Variants in FBXL17 observed in about 807,000 individuals in gnomAD.
FBXL17 encodes F-box and leucine rich repeat protein 17, also known as F-box/LRR-repeat protein 17.
In FBXL17, 22 loss-of-function variants were observed where a neutral mutation model predicts 66.2. The ratio of observed to expected loss-of-function variants is 0.33; its 90% CI spans 0.24 to 0.47. The LOEUF (loss-of-function observed/expected upper bound fraction) is 0.47, where lower values mean the gene tolerates loss of function less well. FBXL17 is among the 20% of genes least tolerant of loss of function. The pLI is 1.00. For synonymous variants in FBXL17, 474 were observed against 400.5 expected, an observed-to-expected ratio of 1.18 and a Z score of -2.19; for missense variants, 878 against 948.2, an observed-to-expected ratio of 0.93 and a Z score of 0.97.
intron 7 of FBXL17, among the ~76,000 whole-genome samples, chr5:107,901,583 GA>G (rs760728412): frequency 2.0e-5 from 3 of 152,040 alleles, no homozygotes; most frequent in Non-Finnish European, 4.4e-5. Flanking sequence ...TTTTGACAGG[GA>G]CACACTTTGT....
chr5:108,073,489 A>G (rs1748419687), intron 6 of FBXL17, among the ~76,000 whole-genome samples: 1 of 152,162 alleles, frequency 6.6e-6, no homozygotes, highest in Admixed American at 6.5e-5. Context: ...ACCATAAAAA[A>G]TATTACACAT....
chr5:108,329,604 A>G (rs1167771744), intron 4 of FBXL17, among the ~76,000 whole-genome samples: 2 of 152,178 alleles, frequency 1.3e-5, no homozygotes, highest in African/African-American at 4.8e-5. Context: ...CCATAGCTCA[A>G]TGAAATAAGT....
chr5:108,327,024 A>T (rs1166987718), intron 4 of FBXL17, among the ~76,000 whole-genome samples: 1 of 152,222 alleles, frequency 6.6e-6, no homozygotes, highest in Non-Finnish European at 1.5e-5. Flanking sequence ...TGGTTCATGT[A>T]TGTTCACAGC....
At chr5:108,368,450 G>T (rs1748815781) in intron 1 of FBXL17, among the ~76,000 whole-genome samples, 1 of 151,950 alleles carries the variant, frequency 6.6e-6, no homozygotes, top group South Asian at 2.1e-4. Context: ...TACCTTTATG[G>T]TATCTTTTCC....
intron 6 of FBXL17, among the ~76,000 whole-genome samples, chr5:108,029,135 T>A (rs1324514086): frequency 6.6e-6 from 1 of 151,992 alleles, no homozygotes; most frequent in Non-Finnish European, 1.5e-5. Context: ...AATAAAAAAA[T>A]TTTACAGGAG....
intron 6 of FBXL17, among the ~76,000 whole-genome samples, chr5:108,047,685 G>A (rs1747310386): frequency 1.3e-5 from 2 of 152,172 alleles, no homozygotes. Flanking sequence ...ACTGCGGCCA[G>A]AGCACCTCTT....
intron 6 of FBXL17, among the ~76,000 whole-genome samples, chr5:108,102,888 G>A (rs1749654687): frequency 6.6e-6 from 1 of 151,972 alleles, no homozygotes; most frequent in South Asian, 2.1e-4. Context: ...TTTTCTCATG[G>A]CATTTTTTTC....
chr5:108,377,996 G>A lies in FBXL17; in HGVS notation c.993+2703C>T, dbSNP rs77539084. Among the ~76,000 whole-genome samples, 656 of 152,302 alleles carry A rather than the reference G, an allele frequency of 4.3e-3. 15 individuals carry two copies. In the East Asian group the frequency reaches 0.11, roughly 24 times the overall value. ...AACCACAAGTCATTGACTAAATCCA[G>A]ATTTGTTTATCCAAGTGAAGAAATT... On this transcript the variant is annotated intron_variant, in intron 1 of 8. Coordinates refer to ENST00000542267, the MANE Select transcript of FBXL17 (RefSeq NM_001163315.3).
intron 7 of FBXL17, among the ~76,000 whole-genome samples, chr5:107,994,293 TG>T (rs146286007): frequency 0.011 from 1,617 of 150,090 alleles, 24 homozygotes; most frequent in African/African-American, 0.039. Context: ...AAATGAATAA[TG>T]TTTTTTTTTC....
chr5:108,002,665 G>C (rs1753780852), intron 7 of FBXL17, among the ~76,000 whole-genome samples: 3 of 152,040 alleles, frequency 2.0e-5, no homozygotes, highest in Admixed American at 2.0e-4. Flanking sequence ...AAAAAAAGTG[G>C]TATAGCCATA....
At chr5:108,190,874 G>T (rs904844907) in intron 5 of FBXL17, among the ~76,000 whole-genome samples, 1 of 152,102 alleles carries the variant, frequency 6.6e-6, no homozygotes, top group African/African-American at 2.4e-5. Flanking sequence ...TTTTATCACT[G>T]TTGGAAATAT....
At chr5:107,883,630 T>C (rs1748867685) in intron 7 of FBXL17, among the ~76,000 whole-genome samples, 1 of 152,158 alleles carries the variant, frequency 6.6e-6, no homozygotes, top group South Asian at 2.1e-4. Context: ...TTTATTGCTA[T>C]TGGGAATGTT....
At chr5:108,352,436 C>T (rs1407777319) in intron 3 of FBXL17, among the ~76,000 whole-genome samples, 1 of 152,186 alleles carries the variant, frequency 6.6e-6, no homozygotes, top group Non-Finnish European at 1.5e-5. Context: ...AAAATCATCA[C>T]CATTAGGATG....
chr5:107,927,142 C>A (rs995744980), intron 7 of FBXL17, among the ~76,000 whole-genome samples: 5 of 151,852 alleles, frequency 3.3e-5, no homozygotes, highest in Admixed American at 2.6e-4. Flanking sequence ...AAAATAAATG[C>A]TAAATCAATT....
intron 7 of FBXL17, among the ~76,000 whole-genome samples, chr5:107,925,226 T>A (rs1435582238): frequency 5.3e-5 from 8 of 152,242 alleles, no homozygotes; most frequent in African/African-American, 1.7e-4. Context: ...TTATTTTCTA[T>A]AACACATGTG....
chr5:108,095,240 T>C (rs1279017791), intron 6 of FBXL17, among the ~76,000 whole-genome samples: 1 of 148,134 alleles, frequency 6.8e-6, no homozygotes, highest in Non-Finnish European at 1.5e-5. Flanking sequence ...ATAAATACCA[T>C]CAAATGGTTA....
At chr5:108,163,315 C>T (rs78799785) in intron 6 of FBXL17, among the ~76,000 whole-genome samples, 1,919 of 150,770 alleles carry the variant, frequency 0.013, 37 homozygotes, top group African/African-American at 0.043. Flanking sequence ...ACACCAAAGG[C>T]AAGGAAATAA....
In FBXL17 at chr5:108,116,224, G is replaced by A. The variant is rs903603021; in HGVS notation, c.1745+69893C>T. Among the ~76,000 whole-genome samples, 15 of 152,164 alleles carry A rather than the reference G, an allele frequency of 9.9e-5. 1 individual carries two copies. The South Asian group carries it at 2.9e-3, about 29-fold the overall frequency. ...ATACGTAAAATTACTAAAGAATAGT[G>A]GTCTAGGAGAAAGAACAACAAAATA... On this transcript the variant is annotated intron_variant, in intron 6 of 8. Transcript: ENST00000542267.
intron 7 of FBXL17, among the ~76,000 whole-genome samples, chr5:107,953,803 T>A (rs146742457): frequency 1.4e-3 from 213 of 152,338 alleles, no homozygotes; most frequent in Non-Finnish European, 2.6e-3. Context: ...TGAAATTATA[T>A]CCATCTTTCA....
Sources: allele counts gnomAD v4.1 joint callset (sites outside exome capture counted in the v4.1 genomes callset), GRCh38; gene constraint gnomAD v4.1.1; transcripts MANE v1.5; gene names NCBI Gene and HGNC (gene_info 2026-07-23, HGNC 2026-07-21).